Variants in DLC1 observed in about 807,000 individuals in gnomAD.
DLC1 encodes the protein rho GTPase-activating protein 7.
In DLC1, 54 loss-of-function variants were observed where a neutral mutation model predicts 140.3. That is an observed-to-expected ratio of 0.38 (90% CI 0.31 to 0.48). The LOEUF (loss-of-function observed/expected upper bound fraction) is 0.48. Among genes scored for constraint, DLC1 ranks in the 20% least tolerant of loss-of-function variants. DLC1 has a pLI of 0.96. For synonymous variants in DLC1, 986 were observed against 728.1 expected, an observed-to-expected ratio of 1.35 and a Z score of -5.70; for missense variants, 2,536 against 1,907.0, an observed-to-expected ratio of 1.33 and a Z score of -6.14.
intron 5 of DLC1, among the ~76,000 whole-genome samples, chr8:13,123,388 C>T (rs1263363106): frequency 2.6e-5 from 4 of 151,952 alleles, no homozygotes; most frequent in Non-Finnish European, 4.4e-5. Context: ...TCTCCCAGGC[C>T]GGAATGCAGT....
At chr8:13,212,974 G>C (rs767340722) in intron 5 of DLC1, among the ~76,000 whole-genome samples, 3 of 152,106 alleles carry the variant, frequency 2.0e-5, no homozygotes, top group African/African-American at 4.8e-5. Flanking sequence ...TATTTGCTAT[G>C]TATAGATTTT....
chr8:13,159,444 G>C (rs1824517785), intron 5 of DLC1, among the ~76,000 whole-genome samples: 1 of 152,184 alleles, frequency 6.6e-6, no homozygotes, highest in Non-Finnish European at 1.5e-5. Context: ...CTCACGTTCA[G>C]GTTTTTCCAA....
intron 2 of DLC1, among the ~76,000 whole-genome samples, chr8:13,493,272 C>T (rs961587791): frequency 6.6e-5 from 10 of 152,168 alleles, no homozygotes; most frequent in Admixed American, 2.0e-4. Context: ...CCCTCCTTGT[C>T]GGCTGATACT....
chr8:13,315,342 A>G (rs1832825221), intron 4 of DLC1, among the ~76,000 whole-genome samples: 1 of 152,238 alleles, frequency 6.6e-6, no homozygotes, highest in African/African-American at 2.4e-5. Context: ...ATAATCAAAT[A>G]ATAGCCAAAC....
chr8:13,245,711 T>G (rs1220831694), intron 5 of DLC1, among the ~76,000 whole-genome samples: 2 of 152,174 alleles, frequency 1.3e-5, no homozygotes, highest in African/African-American at 4.8e-5. Flanking sequence ...CTTATTTTAT[T>G]TGTTTTTTGA....
At chr8:13,580,180 T>A (rs6530644) in intron 1 of DLC1, among the ~76,000 whole-genome samples, 1 of 151,518 alleles carries the variant, frequency 6.6e-6, no homozygotes, top group Non-Finnish European at 1.5e-5. Context: ...TGGAGTGCAG[T>A]GGCGCAATCT....
intron 2 of DLC1, among the ~76,000 whole-genome samples, chr8:13,413,499 CATAT>C (rs35967766): frequency 4.0e-5 from 6 of 149,794 alleles, no homozygotes; most frequent in African/African-American, 9.8e-5. Flanking sequence ...TGTGTGCACA[CATAT>C]ATATATATAT....
At chr8:13,396,897 T>C (rs952645942) in intron 3 of DLC1, among the ~76,000 whole-genome samples, 2 of 152,134 alleles carry the variant, frequency 1.3e-5, no homozygotes, top group African/African-American at 4.8e-5. Flanking sequence ...GAATAAACCC[T>C]GGGTACTCAT....
chr8:13,398,807 T>G lies in DLC1; in HGVS notation c.1173+2663A>C, dbSNP rs545831969. 3.9e-5 allele frequency among the ~76,000 whole-genome samples: 6 copies of G among 152,104 alleles called. 1 individual carries two copies. The Middle Eastern group carries it at 0.014, about 345-fold the overall frequency. Reference sequence around the variant, plus strand: ...AGGATGGAGACAGATCAGTATTAGATGACAGGAGCAACACATCTTTGATTG... The same window carrying G: ...AGGATGGAGACAGATCAGTATTAGAGGACAGGAGCAACACATCTTTGATTG... On this transcript the variant is annotated intron_variant, in intron 3 of 17. Transcript: ENST00000276297.
chr8:13,550,264 T>C (rs1227641576), intron 1 of DLC1, among the ~76,000 whole-genome samples: 1 of 152,088 alleles, frequency 6.6e-6, no homozygotes, highest in Non-Finnish European at 1.5e-5. Flanking sequence ...AGTTTTTTTC[T>C]CTGCTCACAC....
intron 2 of DLC1, among the ~76,000 whole-genome samples, chr8:13,437,433 A>G (rs769681704): frequency 2.0e-5 from 3 of 152,204 alleles, no homozygotes; most frequent in Admixed American, 6.5e-5. Context: ...TTATTTTCCT[A>G]CAGTCAAAAC....
At chr8:13,566,970 G>A in intron 1 of DLC1, 1 of 1,524,002 alleles carries the variant, frequency 6.6e-7, no homozygotes, top group Admixed American at 2.1e-5. Flanking sequence ...AGGAGATGAG[G>A]AGCCGAGCCT....
rs952162614 is a variant in DLC1 at position 13,221,726 on chromosome 8, G to GTGTGTATA, written c.1348+83542_1348+83543insTATACACA. ...TGTGTGTGTATATGTGTGTGTGTGTGTATATATATATATATATATGATAAA... is the reference window on the plus strand; with the variant it reads ...TGTGTGTGTATATGTGTGTGTGTGTGTGTGTATATATATATATATATATATATGATAAA... On this transcript the variant is annotated intron_variant, in intron 5 of 17. Coordinates refer to ENST00000276297, the MANE Select transcript of DLC1 (RefSeq NM_182643.3). Among the ~76,000 whole-genome samples the GTGTGTATA allele has an allele frequency of 9.1e-4, 121 of 132,426 alleles. 1 individual carries two copies. The highest frequency in any genetic ancestry group is 3.2e-3 in the African/African-American group (111 of 34,486). 86.9% of individuals were successfully genotyped at this position (132,426 alleles called of 152,430 possible).
Position 13,091,318 on chromosome 8 carries a change from C to G in DLC1, c.3855G>C (p.Gln1285His). The part of the protein sequence containing the change: ...HMIAECKKLF[Q>H]VPEEMSRCRN... ...GGAGCCAAACTTCTCAATTCCTTACCTGGAAAAGCTTCTTGCACTCGGCGA... is the reference window on the plus strand; with the variant it reads ...GGAGCCAAACTTCTCAATTCCTTACGTGGAAAAGCTTCTTGCACTCGGCGA... Residue 1285 changes from glutamine to histidine, a missense_variant and splice_region_variant, in exon 14 of 18, where the codon CAG becomes CAC. Physicochemically the swap from Gln to His is conservative, Grantham distance 24 (BLOSUM62 0). Transcript: ENST00000276297. The G allele has an allele frequency of 6.2e-7, 1 of 1,613,796 alleles. No homozygotes were observed. Among genetic ancestry groups the G allele is most frequent in the Non-Finnish European group, 8.5e-7 (1 of 1,179,958 alleles).
At chr8:13,603,937 CA>C (rs1805966985) in intron 1 of DLC1, among the ~76,000 whole-genome samples, 1 of 152,004 alleles carries the variant, frequency 6.6e-6, no homozygotes, top group African/African-American at 2.4e-5. Context: ...CTGTTTGGTA[CA>C]TTAGCTAATT....
intron 1 of DLC1, among the ~76,000 whole-genome samples, chr8:13,523,700 T>A (rs1802828366): frequency 6.6e-6 from 1 of 152,042 alleles, no homozygotes; most frequent in Non-Finnish European, 1.5e-5. Context: ...AAGAATGATA[T>A]GGAAAAAATT....
chr8:13,453,986 T>C (rs916015083), intron 2 of DLC1, among the ~76,000 whole-genome samples: 3 of 152,140 alleles, frequency 2.0e-5, no homozygotes, highest in South Asian at 4.1e-4. Context: ...TATCTTACTA[T>C]ATGTGCCAAG....
rs147531756 is a variant in DLC1, at chr8:13,282,409, T to G, written c.1348+22860A>C. Reference sequence around the variant, plus strand: ...AGGAACTTTTTTCTATGTCATGATTTCAGGTTTTCTTTTATGTTGTAATTT... The same window carrying G: ...AGGAACTTTTTTCTATGTCATGATTGCAGGTTTTCTTTTATGTTGTAATTT... On this transcript the variant is annotated intron_variant, in intron 5 of 17. Coordinates refer to ENST00000276297, the MANE Select transcript of DLC1 (RefSeq NM_182643.3). Among the ~76,000 whole-genome samples, 352 of 152,290 alleles carry G rather than the reference T, an allele frequency of 2.3e-3. 3 individuals are homozygous for G. The highest frequency in any genetic ancestry group is 8.3e-3 in the African/African-American group (346 of 41,566).
chr8:13,335,471 C>T (rs975410212), intron 4 of DLC1, among the ~76,000 whole-genome samples: 1 of 152,136 alleles, frequency 6.6e-6, no homozygotes, highest in Non-Finnish European at 1.5e-5. Context: ...TTTTCTAGAT[C>T]AGCTCATATT....
Sources: gnomAD v4.1 joint callset for allele counts (sites outside exome capture counted in the v4.1 genomes callset) on GRCh38, gnomAD v4.1.1 for gene constraint, MANE v1.5 for transcripts, NCBI Gene and HGNC (gene_info 2026-07-23, HGNC 2026-07-21) for gene names.